Variants in LINGO2 observed in about 807,000 individuals in gnomAD.
LINGO2 encodes the protein leucine-rich repeat and immunoglobulin-like domain-containing nogo receptor-interacting protein 2.
In LINGO2, 14 loss-of-function variants were observed where a neutral mutation model predicts 30.6. The ratio of observed to expected loss-of-function variants is 0.46; its 90% CI spans 0.30 to 0.72. The LOEUF (loss-of-function observed/expected upper bound fraction) is 0.72, where lower values mean the gene tolerates loss of function less well. Among genes scored for constraint, LINGO2 ranks in the 30% least tolerant of loss-of-function variants. The probability of loss-of-function intolerance (pLI) is 0.07; values close to 1 mark genes in which losing one functional copy is unlikely to be tolerated. For missense variants in LINGO2, 729 were observed against 751.7 expected, an observed-to-expected ratio of 0.97 and a Z score of 0.35; for synonymous variants, 317 against 288.5, an observed-to-expected ratio of 1.10 and a Z score of -1.00.
chr9:28,186,016 TCAATCATTTGGGACATGTCCTCAGC>T (rs952300602), intron 4 of LINGO2, among the ~76,000 whole-genome samples: 1 of 152,162 alleles, frequency 6.6e-6, no homozygotes, highest in Non-Finnish European at 1.5e-5. Flanking sequence ...TGAGAGACGC[TCAATCATTTGGGACATGTCCTCAGC>T]CAACCGTCTT....
chr9:28,973,412 C>T, the LINGO2 span, among the ~76,000 whole-genome samples: 1 of 152,120 alleles, frequency 6.6e-6, no homozygotes, highest in East Asian at 1.9e-4. Flanking sequence ...CAAATCTCAC[C>T]TTGAATTGTA....
intron 5 of LINGO2, among the ~76,000 whole-genome samples, chr9:27,961,070 T>C (rs1819820917): frequency 6.6e-6 from 1 of 152,172 alleles, no homozygotes; most frequent in Non-Finnish European, 1.5e-5. Flanking sequence ...ACAACCATTC[T>C]GTTTTCCCAT....
chr9:28,292,996 T>G (rs927578197), intron 4 of LINGO2, among the ~76,000 whole-genome samples: 1 of 151,894 alleles, frequency 6.6e-6, no homozygotes, highest in African/African-American at 2.4e-5. Flanking sequence ...ATGGTCTTGA[T>G]CTCCTAACCT....
At chr9:28,794,808 T>C in the LINGO2 span, among the ~76,000 whole-genome samples, 15,772 of 151,732 alleles carry the variant, frequency 0.1, 895 homozygotes, top group African/African-American at 0.14. Flanking sequence ...TCAGGAATTA[T>C]AAATTTTTTT....
chr9:29,016,441 A>G, the LINGO2 span, among the ~76,000 whole-genome samples: 1 of 152,178 alleles, frequency 6.6e-6, no homozygotes, highest in Admixed American at 6.6e-5. Flanking sequence ...ACTAAAGTAG[A>G]ATGTCTAAAT....
chr9:28,956,724 C>G, the LINGO2 span, among the ~76,000 whole-genome samples: 7 of 120,662 alleles, frequency 5.8e-5, no homozygotes, highest in African/African-American at 1.9e-4. Flanking sequence ...CCTCCCCTGC[C>G]TCCTCTCCCC....
chr9:28,161,227 T>C (rs986007454), intron 4 of LINGO2, among the ~76,000 whole-genome samples: 1 of 152,126 alleles, frequency 6.6e-6, no homozygotes, highest in Non-Finnish European at 1.5e-5. Flanking sequence ...CTCAAGAAGA[T>C]CCAGTTGGGT....
chr9:29,098,183 T>C, the LINGO2 span, among the ~76,000 whole-genome samples: 8 of 152,282 alleles, frequency 5.3e-5, no homozygotes, highest in African/African-American at 1.9e-4. Context: ...TATTTAAACA[T>C]TTGTTCATTC....
chr9:29,111,582 C>A, the LINGO2 span, among the ~76,000 whole-genome samples: 2 of 151,648 alleles, frequency 1.3e-5, no homozygotes, highest in African/African-American at 4.8e-5. Flanking sequence ...TAAATAACAA[C>A]CTATATATAC....
At chr9:28,205,199 G>T (rs1820368343) in intron 4 of LINGO2, among the ~76,000 whole-genome samples, 1 of 152,170 alleles carries the variant, frequency 6.6e-6, no homozygotes, top group Non-Finnish European at 1.5e-5. Flanking sequence ...AGAAATATTT[G>T]TGTTCAAATA....
At chr9:28,737,071 G>A in the LINGO2 span, among the ~76,000 whole-genome samples, 5 of 152,180 alleles carry the variant, frequency 3.3e-5, no homozygotes, top group Non-Finnish European at 7.4e-5. Flanking sequence ...GATGACAGAA[G>A]TGACAGTGGG....
At position 28,148,243 on chromosome 9, in the gene LINGO2, C is replaced by T; in HGVS notation, c.-86-135838G>A. On this transcript the variant is annotated intron_variant, in intron 4 of 5. Transcript: ENST00000379992. This position sits in a 1 kb window ranked among gnomAD's most constrained non-coding sequence, Gnocchi z 5.1. ...TGTGTCTTATCCCTCGGAACATGGG[C>T]ACCCCACAGAGGGTCCTGTCTCCTG... The T allele has an allele frequency of 2.7e-6, 2 of 729,438 alleles. No homozygotes were observed. Among genetic ancestry groups the T allele is most frequent in the South Asian group, 1.8e-5 (1 of 56,908 alleles). The allele number at this position is 729,438 out of a possible 1,614,324, so 45.2% of individuals were successfully genotyped here. A position where few individuals can be genotyped will look rare whatever the true frequency, so the allele number is the denominator to read the frequency against.
chr9:29,124,336 C>T, the LINGO2 span, among the ~76,000 whole-genome samples: 1 of 152,160 alleles, frequency 6.6e-6, no homozygotes, highest in Non-Finnish European at 1.5e-5. Flanking sequence ...CAATACCATT[C>T]AAGACACAGG....
the LINGO2 span, among the ~76,000 whole-genome samples, chr9:28,892,296 A>C: frequency 1.3e-5 from 2 of 151,978 alleles, no homozygotes; most frequent in Non-Finnish European, 2.9e-5. Context: ...AGTGATTGCC[A>C]CTATGCCCAT....
At chr9:28,552,427 A>C (rs1822344388) in intron 1 of LINGO2, among the ~76,000 whole-genome samples, 2 of 152,098 alleles carry the variant, frequency 1.3e-5, no homozygotes, top group African/African-American at 4.8e-5. Context: ...GTCTCATCAG[A>C]ATCACGAACA....
At chr9:29,090,659 G>A in the LINGO2 span, among the ~76,000 whole-genome samples, 1 of 151,956 alleles carries the variant, frequency 6.6e-6, no homozygotes, top group African/African-American at 2.4e-5. Flanking sequence ...ACCAATTCTT[G>A]TTATGATTTA....
the LINGO2 span, among the ~76,000 whole-genome samples, chr9:28,979,396 A>C: frequency 3.5e-4 from 53 of 152,236 alleles, no homozygotes; most frequent in Admixed American, 7.2e-4. Flanking sequence ...TTCCAAAAAG[A>C]GAGCTGATGC....
intron 4 of LINGO2, among the ~76,000 whole-genome samples, chr9:28,201,221 TC>T (rs910637533): frequency 1.7e-5 from 2 of 117,648 alleles, no homozygotes; most frequent in African/African-American, 3.2e-5. Context: ...ATGCTATCCC[TC>T]CCCCCTCCCC....
At chr9:28,206,164 CAAAAAAAAAA>C (rs34169188) in intron 4 of LINGO2, among the ~76,000 whole-genome samples, 2 of 73,526 alleles carry the variant, frequency 2.7e-5, no homozygotes, top group African/African-American at 1.1e-4. Flanking sequence ...GACCCTGTTT[CAAAAAAAAAA>C]AAAAAAAAAA....
Sources: gnomAD v4.1 joint callset for allele counts (sites outside exome capture counted in the v4.1 genomes callset) on GRCh38, gnomAD v4.1.1 for gene constraint, Gnocchi (gnomAD v3.1) non-coding constraint, MANE v1.5 for transcripts, NCBI Gene and HGNC (gene_info 2026-07-23, HGNC 2026-07-21) for gene names.